PRR16: variants seen among roughly 807,000 people sequenced by gnomAD.
PRR16 encodes proline rich 16.
In PRR16, 6 loss-of-function variants were observed where a neutral mutation model predicts 18.2. The observed-to-expected ratio is 0.33, with a 90% CI of 0.18 to 0.65. The LOEUF (loss-of-function observed/expected upper bound fraction) is 0.65. Among genes scored for constraint, PRR16 ranks in the 30% least tolerant of loss-of-function variants. The pLI is 0.74. For synonymous variants in PRR16, 151 were observed against 147.8 expected (o/e 1.02, Z -0.16); for missense variants, 412 against 376.6 (o/e 1.09, Z -0.78).
the PRR16 span, among the ~76,000 whole-genome samples, chr5:120,713,950 C>G: frequency 6.6e-6 from 1 of 151,940 alleles, no homozygotes; most frequent in Non-Finnish European, 1.5e-5. Context: ...AAAACTGTTC[C>G]CTGTTCAAAG....
the PRR16 span, among the ~76,000 whole-genome samples, chr5:120,785,589 T>TTTTTTTTTTTTTTTTA: frequency 6.9e-6 from 1 of 144,096 alleles, no homozygotes; most frequent in Admixed American, 6.9e-5. Flanking sequence ...TTTTTTTTTT[T>TTTTTTTTTTTTTTTTA]TGAGACAGAG....
chr5:120,491,506 T>C (rs1342650534), intron 1 of PRR16, among the ~76,000 whole-genome samples: 1 of 150,898 alleles, frequency 6.6e-6, no homozygotes, highest in African/African-American at 2.4e-5. Context: ...TTCCTTCTTT[T>C]CTCTCTGTCT....
intron 1 of PRR16, among the ~76,000 whole-genome samples, chr5:120,669,914 T>G (rs1211414566): frequency 6.6e-6 from 1 of 152,064 alleles, no homozygotes; most frequent in Non-Finnish European, 1.5e-5. Context: ...TGATAGTATA[T>G]TTATGAAGAT....
chr5:120,638,364 G>T (rs1008647905), intron 1 of PRR16, among the ~76,000 whole-genome samples: 2 of 152,054 alleles, frequency 1.3e-5, no homozygotes, highest in African/African-American at 4.8e-5. Context: ...TCAAACAGAA[G>T]TATATCTAAA....
rs554245891 is a variant in PRR16, at chr5:120,606,748, A to G, written c.160-79206A>G. On this transcript the variant is annotated intron_variant, in intron 1 of 1. Transcript: ENST00000407149. ...TGAGACCTCATCTCTGCAGAAAATG[A>G]AAAAAGAAATCGGTCAAGCATGGTA... is the stretch of plus-strand genomic sequence containing the variant. Among the ~76,000 whole-genome samples the G allele has an allele frequency of 9.1e-4, 138 of 152,212 alleles. 4 individuals are homozygous for G. The Middle Eastern group carries it at 0.048, about 53-fold the overall frequency.
the PRR16 span, among the ~76,000 whole-genome samples, chr5:120,752,486 TTATC>T: frequency 2.0e-4 from 31 of 152,088 alleles, no homozygotes; most frequent in South Asian, 4.4e-3. Context: ...ATCTTGCTGT[TTATC>T]TATGCACTGA....
intron 1 of PRR16, among the ~76,000 whole-genome samples, chr5:120,554,277 T>C (rs986851732): frequency 2.0e-5 from 3 of 151,998 alleles, no homozygotes; most frequent in Non-Finnish European, 4.4e-5. Context: ...GCTTGTCACA[T>C]TTACAAGATC....
At chr5:120,496,284 A>T in intron 1 of PRR16, among the ~76,000 whole-genome samples, 1 of 151,596 alleles carries the variant, frequency 6.6e-6, no homozygotes, top group East Asian at 1.9e-4. Context: ...AATTTGTAGT[A>T]ATTCTTCTAT....
rs1580880945 is a variant in PRR16 at position 120,685,264 on chromosome 5, A to AGGAGGTCTGTGCATG, written c.160-690_160-689insGGAGGTCTGTGCATG. ...CCTCTCAGCATGAGAGGTCTGTGTAAAGGAGGCCATGAGTGAGTACAGATG... is the reference window on the plus strand; with the variant it reads ...CCTCTCAGCATGAGAGGTCTGTGTAAGGAGGTCTGTGCATGAGGAGGCCATGAGTGAGTACAGATG... On this transcript the variant is annotated intron_variant, in intron 1 of 1. Coordinates refer to ENST00000407149, the MANE Select transcript of PRR16 (RefSeq NM_001300783.2). Among the ~76,000 whole-genome samples the AGGAGGTCTGTGCATG allele has an allele frequency of 1.6e-4, 25 of 152,278 alleles. No homozygotes were observed. In the East Asian group the frequency reaches 4.6e-3, roughly 28 times the overall value.
intron 1 of PRR16, among the ~76,000 whole-genome samples, chr5:120,645,875 A>G (rs1439437527): frequency 2.6e-5 from 4 of 151,838 alleles, no homozygotes; most frequent in Non-Finnish European, 5.9e-5. Flanking sequence ...TCTTGTGGAT[A>G]TCTTTCGTAA....
At chr5:120,487,140 C>A (rs1005886523) in intron 1 of PRR16, among the ~76,000 whole-genome samples, 1 of 150,954 alleles carries the variant, frequency 6.6e-6, no homozygotes, top group Admixed American at 6.6e-5. Flanking sequence ...GCTCTTTTCT[C>A]GTTCCATATG....
chr5:120,776,846 T>A, the PRR16 span, among the ~76,000 whole-genome samples: 1 of 152,120 alleles, frequency 6.6e-6, no homozygotes, highest in Non-Finnish European at 1.5e-5. Flanking sequence ...GCTCTGTTTT[T>A]ATTCTGACCG....
the PRR16 span, among the ~76,000 whole-genome samples, chr5:120,707,943 G>A: frequency 7.9e-5 from 12 of 152,128 alleles, no homozygotes; most frequent in African/African-American, 2.9e-4. Context: ...ATGGCCTGGT[G>A]AGAGAGAAGT....
chr5:120,668,337 C>T (rs1353921203), intron 1 of PRR16, among the ~76,000 whole-genome samples: 5 of 150,612 alleles, frequency 3.3e-5, no homozygotes, highest in African/African-American at 9.8e-5. Flanking sequence ...TTATTTTGAG[C>T]CTATGTGTGT....
chr5:120,783,412 T>C, the PRR16 span, among the ~76,000 whole-genome samples: 14 of 152,198 alleles, frequency 9.2e-5, no homozygotes, highest in African/African-American at 3.1e-4. Flanking sequence ...AACTTAGAAC[T>C]GATACATGGG....
chr5:120,791,584 C>CATCCATCTATCTATCTATCT, the PRR16 span, among the ~76,000 whole-genome samples: 1 of 127,392 alleles, frequency 7.8e-6, no homozygotes, highest in African/African-American at 2.9e-5. Flanking sequence ...GAACTTCTAT[C>CATCCATCTATCTATCTATCT]ATCTATCTAT....
At chr5:120,575,013 G>A (rs1753026994) in intron 1 of PRR16, among the ~76,000 whole-genome samples, 1 of 148,748 alleles carries the variant, frequency 6.7e-6, no homozygotes, top group Non-Finnish European at 1.5e-5. Context: ...TGTTTTGAGA[G>A]AGAGAAATCA....
chr5:120,789,745 TAA>T, the PRR16 span, among the ~76,000 whole-genome samples: 1 of 152,142 alleles, frequency 6.6e-6, no homozygotes, highest in African/African-American at 2.4e-5. Context: ...TTTTGATAAC[TAA>T]GTTATAAAAT....
At chr5:120,771,830 T>C in the PRR16 span, among the ~76,000 whole-genome samples, 1 of 151,980 alleles carries the variant, frequency 6.6e-6, no homozygotes, top group Non-Finnish European at 1.5e-5. Context: ...TAAAAATGAC[T>C]AGAAACACGA....
Sources: allele counts gnomAD v4.1 joint callset (sites outside exome capture counted in the v4.1 genomes callset), GRCh38; gene constraint gnomAD v4.1.1; transcripts MANE v1.5; gene names NCBI Gene and HGNC (gene_info 2026-07-23, HGNC 2026-07-21).